Variants in MCTP1 observed in about 807,000 individuals in gnomAD.
MCTP1 encodes the protein multiple C2 and transmembrane domain containing 1.
A neutral mutation model predicts 120.6 loss-of-function variants in MCTP1; 69 were observed. The observed-to-expected ratio is 0.57, with a 90% CI of 0.47 to 0.70. The LOEUF (loss-of-function observed/expected upper bound fraction) is 0.70, where lower values mean the gene tolerates loss of function less well. MCTP1 is among the 30% of genes least tolerant of loss of function. MCTP1 has a pLI of 0.00. For synonymous variants in MCTP1, 529 were observed against 493.1 expected (o/e 1.07, Z -0.96); for missense variants, 1,203 against 1,248.8 (o/e 0.96, Z 0.55).
At chr5:95,166,775 G>T (rs1162549449) in intron 1 of MCTP1, among the ~76,000 whole-genome samples, 2 of 151,940 alleles carry the variant, frequency 1.3e-5, no homozygotes, top group Non-Finnish European at 2.9e-5. Flanking sequence ...CACCGTGTTA[G>T]CCAGGATGGT....
chr5:94,882,955 C>T (rs565463019), intron 12 of MCTP1, among the ~76,000 whole-genome samples: 35 of 152,300 alleles, frequency 2.3e-4, no homozygotes, highest in African/African-American at 8.4e-4. Flanking sequence ...TTATCATTTT[C>T]ATTCCTCTTT....
chr5:94,929,496 C>T (rs1356992173), intron 6 of MCTP1: 3 of 230,324 alleles, frequency 1.3e-5, no homozygotes, highest in Non-Finnish European at 2.1e-5. Context: ...CACCCTATTT[C>T]CAAAAATAAA....
chr5:95,063,671 C>T (rs912149981), intron 1 of MCTP1, among the ~76,000 whole-genome samples: 1 of 152,216 alleles, frequency 6.6e-6, no homozygotes, highest in Non-Finnish European at 1.5e-5. Flanking sequence ...TCTCGGCTCA[C>T]TGCAGCTTTA....
chr5:95,214,164 A>T (rs182044242), intron 1 of MCTP1, among the ~76,000 whole-genome samples: 180 of 150,916 alleles, frequency 1.2e-3, no homozygotes, highest in African/African-American at 4.2e-3. Flanking sequence ...AAACAAATTT[A>T]CAAGAAAAAA....
At chr5:94,741,461 AC>A (rs1281129890) in intron 19 of MCTP1, among the ~76,000 whole-genome samples, 2 of 152,214 alleles carry the variant, frequency 1.3e-5, no homozygotes, top group Non-Finnish European at 2.9e-5. Context: ...AAATGACTTG[AC>A]TTCTCTTTTT....
intron 1 of MCTP1, among the ~76,000 whole-genome samples, chr5:95,251,567 A>C (rs547487929): frequency 6.6e-6 from 1 of 152,282 alleles, no homozygotes; most frequent in South Asian, 2.1e-4. Context: ...GGTGGAGTTT[A>C]AGTTGAGATT....
chr5:94,755,822 AAT>A (rs1769687426), intron 19 of MCTP1, among the ~76,000 whole-genome samples: 1 of 152,184 alleles, frequency 6.6e-6, no homozygotes, highest in African/African-American at 2.4e-5. Flanking sequence ...TCTAATGGGT[AAT>A]TCTCAAATTT....
rs533271480 is a variant in MCTP1 at position 95,166,715 on chromosome 5, C to G, written c.720+117141G>C. Among the ~76,000 whole-genome samples the G allele has an allele frequency of 2.0e-5, 3 of 151,920 alleles. No homozygotes were observed. The East Asian group carries it at 5.8e-4, about 30-fold the overall frequency. On this transcript the variant is annotated intron_variant, in intron 1 of 22. Transcript: ENST00000515393. ...CCCGAGTAGCTGGGACCACAGGCAC[C>G]CACCACCACGCCTGGCTAATTTTTT...
At chr5:94,858,242 T>C (rs953244301) in intron 17 of MCTP1, among the ~76,000 whole-genome samples, 6 of 151,692 alleles carry the variant, frequency 4.0e-5, no homozygotes, top group Non-Finnish European at 7.4e-5. Flanking sequence ...GGCCAAATGA[T>C]ATTTCTTGTC....
intron 1 of MCTP1, among the ~76,000 whole-genome samples, chr5:95,225,744 T>C (rs1355502990): frequency 6.6e-6 from 1 of 152,152 alleles, no homozygotes; most frequent in Non-Finnish European, 1.5e-5. Context: ...TGGGTTTTCC[T>C]TTGTGTCTAA....
chr5:94,953,083 A>G (rs192319394), intron 3 of MCTP1, 136 bp downstream of exon 3: 8 of 711,270 alleles, frequency 1.1e-5, no homozygotes, highest in African/African-American at 1.1e-4. Flanking sequence ...CTATCATATT[A>G]TCCATAGATT....
At chr5:95,123,718 C>T (rs548372957) in intron 1 of MCTP1, among the ~76,000 whole-genome samples, 3 of 151,120 alleles carry the variant, frequency 2.0e-5, no homozygotes, top group Non-Finnish European at 4.4e-5. Flanking sequence ...GGCACGATCT[C>T]GGCTCACTGC....
intron 17 of MCTP1, among the ~76,000 whole-genome samples, chr5:94,827,463 C>G (rs1409768701): frequency 6.6e-6 from 1 of 152,074 alleles, no homozygotes; most frequent in East Asian, 1.9e-4. Flanking sequence ...TTGCTCTTCT[C>G]GAGGAGTATC....
chr5:95,059,571 G>GA (rs969575405), intron 1 of MCTP1, among the ~76,000 whole-genome samples: 9 of 148,164 alleles, frequency 6.1e-5, no homozygotes, highest in South Asian at 4.3e-4. Context: ...CATGAAAGTT[G>GA]AAAAAAAAAT....
At chr5:95,086,329 A>T (rs1270893815) in intron 1 of MCTP1, among the ~76,000 whole-genome samples, 2 of 152,176 alleles carry the variant, frequency 1.3e-5, no homozygotes, top group African/African-American at 2.4e-5. Context: ...GACTAATTGA[A>T]GAAAAATACT....
chr5:95,077,484 T>C (rs1267647839), intron 1 of MCTP1, among the ~76,000 whole-genome samples: 2 of 152,118 alleles, frequency 1.3e-5, no homozygotes, highest in Non-Finnish European at 1.5e-5. Context: ...ATACTTTTTT[T>C]TTTTTTGAGA....
chr5:95,241,729 T>C lies in MCTP1; in HGVS notation c.720+42127A>G, dbSNP rs112798379. Among the ~76,000 whole-genome samples the C allele has an allele frequency of 7.2e-3, 1,098 of 152,340 alleles. 9 individuals carry two copies. Among genetic ancestry groups the C allele is most frequent in the African/African-American group, 0.025 (1,042 of 41,578 alleles). ...AAAATTGAAATCCTTCAAATTTTAGTAGCTGTAAAACTCCATTTACACTGG... is the reference window on the plus strand; with the variant it reads ...AAAATTGAAATCCTTCAAATTTTAGCAGCTGTAAAACTCCATTTACACTGG... On this transcript the variant is annotated intron_variant, in intron 1 of 22. Coordinates refer to ENST00000515393, the MANE Select transcript of MCTP1 (RefSeq NM_024717.7).
At chr5:94,802,754 A>G (rs753884112) in intron 17 of MCTP1, among the ~76,000 whole-genome samples, 3 of 152,224 alleles carry the variant, frequency 2.0e-5, no homozygotes, top group Admixed American at 1.3e-4. Flanking sequence ...AAATCAAGAA[A>G]CAATTTTAAA....
At chr5:95,138,546 A>G (rs1759635414) in intron 1 of MCTP1, among the ~76,000 whole-genome samples, 1 of 152,164 alleles carries the variant, frequency 6.6e-6, no homozygotes, top group Non-Finnish European at 1.5e-5. Context: ...ACAGCAAACT[A>G]TTTAAAGAGA....
Sources: gnomAD v4.1 joint callset for allele counts (sites outside exome capture counted in the v4.1 genomes callset) on GRCh38, gnomAD v4.1.1 for gene constraint, MANE v1.5 for transcripts, NCBI Gene and HGNC (gene_info 2026-07-23, HGNC 2026-07-21) for gene names.